SLC39A10: variants seen among roughly 807,000 people sequenced by gnomAD.
The protein encoded by SLC39A10 is solute carrier family 39 member 10.
SLC39A10 carries 13 observed loss-of-function variants against 65.1 expected under a neutral mutation model. That is an observed-to-expected ratio of 0.20 (90% confidence interval 0.13 to 0.32). SLC39A10 has a LOEUF of 0.32. SLC39A10 is among the 10% of genes least tolerant of loss of function. SLC39A10 has a pLI of 1.00. For synonymous variants in SLC39A10, 321 were observed against 342.2 expected (o/e 0.94, Z 0.68); for missense variants, 831 against 1,018.4 (o/e 0.82, Z 2.50).
At chr2:195,684,894 C>T (rs1690465012) in intron 3 of SLC39A10, among the ~76,000 whole-genome samples, 1 of 152,142 alleles carries the variant, frequency 6.6e-6, no homozygotes. Flanking sequence ...TTTGTTAATA[C>T]ATACTTTTTA....
chr2:195,634,078 C>T (rs535967734), intron 2 of SLC39A10, among the ~76,000 whole-genome samples: 210 of 152,346 alleles, frequency 1.4e-3, no homozygotes, highest in African/African-American at 4.5e-3. Context: ...GATAGAGCAA[C>T]TTTATTTTGA....
chr2:195,677,959 G>A (rs930392640), intron 1 of SLC39A10, among the ~76,000 whole-genome samples: 1 of 152,020 alleles, frequency 6.6e-6, no homozygotes, highest in Non-Finnish European at 1.5e-5. Flanking sequence ...TGTTTGCTAG[G>A]CCTGTCTTAA....
chr2:195,624,887 CAA>C (rs60370795), intron 2 of SLC39A10, among the ~76,000 whole-genome samples: 43 of 47,324 alleles, frequency 9.1e-4, no homozygotes, highest in Admixed American at 1.5e-3. Context: ...GACTCCATCT[CAA>C]AAAAAAAAAA....
rs553255329 is a variant in SLC39A10, at chr2:195,617,331, G to A, written c.-12+11098G>A. 8.5e-5 allele frequency among the ~76,000 whole-genome samples: 13 copies of A among 152,292 alleles called. No individual in the cohort carries two copies. The South Asian group carries it at 2.3e-3, about 27-fold the overall frequency. On this transcript the variant is annotated intron_variant, in intron 2 of 2. Transcript: ENST00000458054. ...TAATCCCAGCACTTTGGGAGGCCAAGGTGGGCAGATCACAAGGTCAGGACT... is the reference window on the plus strand; with the variant it reads ...TAATCCCAGCACTTTGGGAGGCCAAAGTGGGCAGATCACAAGGTCAGGACT...
At chr2:195,695,670 C>G (rs1690926510) in intron 3 of SLC39A10, among the ~76,000 whole-genome samples, 1 of 152,206 alleles carries the variant, frequency 6.6e-6, no homozygotes, top group Admixed American at 6.5e-5. Flanking sequence ...AGGAAAAGTT[C>G]AGGATGTGAG....
At chr2:195,624,647 G>A (rs1354008389) in intron 2 of SLC39A10, among the ~76,000 whole-genome samples, 1 of 151,730 alleles carries the variant, frequency 6.6e-6, no homozygotes, top group Non-Finnish European at 1.5e-5. Flanking sequence ...AGCCGAGGCG[G>A]GTGGATCACC....
chr2:195,635,271 T>A (rs989567144), intron 2 of SLC39A10, among the ~76,000 whole-genome samples: 2 of 152,216 alleles, frequency 1.3e-5, no homozygotes, highest in African/African-American at 4.8e-5. Context: ...GAACCTTTCC[T>A]GGAGGCCCCT....
At chr2:195,675,084 C>A (rs922475369) in intron 1 of SLC39A10, among the ~76,000 whole-genome samples, 1 of 151,936 alleles carries the variant, frequency 6.6e-6, no homozygotes. Context: ...GTGGTAGAGA[C>A]CTGACTGATC....
In SLC39A10 at chr2:195,735,306, T is replaced by C. The variant is rs1443716392; in HGVS notation, c.*265T>C. 3.7e-6 allele frequency: 1 copy of C among 269,542 alleles called. No homozygotes were observed. Among genetic ancestry groups the C allele is most frequent in the Admixed American group, 5.3e-5 (1 of 18,806 alleles). The allele number at this position is 269,542 out of a possible 1,614,324, so 16.7% of individuals were successfully genotyped here. A position where few individuals can be genotyped will look rare whatever the true frequency, so the allele number is the denominator to read the frequency against. On this transcript the variant is annotated 3_prime_UTR_variant, in exon 10 of 10. Transcript: ENST00000359634. ...TGTTGATATGTTTGATTAAGACTTT[T>C]CACAAAATAATCATATAAAACACTA...
intron 2 of SLC39A10, among the ~76,000 whole-genome samples, chr2:195,650,840 GC>G (rs775595274): frequency 3.4e-4 from 51 of 152,018 alleles, no homozygotes; most frequent in Non-Finnish European, 5.9e-4. Flanking sequence ...GCCTTCGTGT[GC>G]CCATCTCAAA....
intron 8 of SLC39A10, among the ~76,000 whole-genome samples, chr2:195,723,804 GGTACTATTGTGTAGTA>G (rs1205790983): frequency 6.6e-6 from 1 of 151,848 alleles, no homozygotes; most frequent in African/African-American, 2.4e-5. Flanking sequence ...TTGGGTACTG[GGTACTATTGTGTAGTA>G]TACCAGGGTG....
intron 3 of SLC39A10, among the ~76,000 whole-genome samples, chr2:195,703,292 C>A (rs1266155187): frequency 6.6e-6 from 1 of 152,168 alleles, no homozygotes; most frequent in Non-Finnish European, 1.5e-5. Flanking sequence ...TTTAAAGGGG[C>A]AGAATAATTG....
In SLC39A10 at chr2:195,657,687, G is replaced by T. The variant is rs1253721834; in HGVS notation, c.-12+406G>T. On this transcript the variant is annotated intron_variant, in intron 1 of 9. Coordinates refer to ENST00000359634, the MANE Select transcript of SLC39A10 (RefSeq NM_020342.3). Reference sequence around the variant, plus strand: ...GGTGGCGGCGGTTAGGGGGCTGCGCGCCGGCCGCGGATGGCGTCGCAGGCG... The same window carrying T: ...GGTGGCGGCGGTTAGGGGGCTGCGCTCCGGCCGCGGATGGCGTCGCAGGCG... 40 of 959,676 alleles carry T rather than the reference G, an allele frequency of 4.2e-5. No individual in the cohort carries two copies. In the South Asian group the frequency reaches 1.8e-3, roughly 44 times the overall value. 59.4% of individuals were successfully genotyped at this position (959,676 alleles called of 1,614,324 possible). A position where few individuals can be genotyped will look rare whatever the true frequency, so the allele number is the denominator to read the frequency against.
chr2:195,639,115 T>C (rs973790449), intron 2 of SLC39A10, among the ~76,000 whole-genome samples: 1 of 152,022 alleles, frequency 6.6e-6, no homozygotes, highest in Non-Finnish European at 1.5e-5. Context: ...ACCACCATGC[T>C]TGGCGAATTT....
chr2:195,716,356 C>G lies in SLC39A10; in HGVS notation c.1697-281C>G, dbSNP rs111678216. On this transcript the variant is annotated intron_variant, in intron 6 of 9. Coordinates refer to ENST00000359634, the MANE Select transcript of SLC39A10 (RefSeq NM_020342.3). ...ACTTTGCCTGCTTTTGATTTCAGTTCCCTCCCGTTGACCTCATCCGGAGCA... is the reference window on the plus strand; with the variant it reads ...ACTTTGCCTGCTTTTGATTTCAGTTGCCTCCCGTTGACCTCATCCGGAGCA... 5.7e-3 allele frequency among the ~76,000 whole-genome samples: 873 copies of G among 152,246 alleles called. 8 individuals carry two copies. Among genetic ancestry groups the G allele is most frequent in the African/African-American group, 0.02 (842 of 41,530 alleles).
intron 1 of SLC39A10, among the ~76,000 whole-genome samples, chr2:195,666,922 A>T (rs1161176562): frequency 6.6e-6 from 1 of 152,226 alleles, no homozygotes; most frequent in East Asian, 1.9e-4. Context: ...TTTCTCCAAT[A>T]TGGTTCCAGG....
intron 3 of SLC39A10, among the ~76,000 whole-genome samples, chr2:195,691,515 A>G (rs1690738725): frequency 6.6e-6 from 1 of 152,292 alleles, no homozygotes; most frequent in Admixed American, 6.5e-5. Context: ...CACCACATCT[A>G]TGCCAACATC....
At chr2:195,651,687 C>A (rs1335108997) in intron 2 of SLC39A10, among the ~76,000 whole-genome samples, 5 of 152,122 alleles carry the variant, frequency 3.3e-5, no homozygotes, top group African/African-American at 1.2e-4. Flanking sequence ...GTTGGCCAGG[C>A]TGGTCTTGAA....
chr2:195,695,688 A>G (rs913166236), intron 3 of SLC39A10, among the ~76,000 whole-genome samples: 1 of 152,214 alleles, frequency 6.6e-6, no homozygotes, highest in Admixed American at 6.5e-5. Context: ...GAGTCTCCAC[A>G]TGCTGCTCTG....
Sources: allele counts gnomAD v4.1 joint callset (sites outside exome capture counted in the v4.1 genomes callset), GRCh38; gene constraint gnomAD v4.1.1; transcripts MANE v1.5; gene names NCBI Gene and HGNC (gene_info 2026-07-23, HGNC 2026-07-21).